OBSL1: variants seen among roughly 807,000 people sequenced by gnomAD.
The protein encoded by OBSL1 is obscurin-like protein 1.
OBSL1 carries 160 observed loss-of-function variants against 172.0 expected under a neutral mutation model. That is an observed-to-expected ratio of 0.93 (90% confidence interval 0.82 to 1.06). The LOEUF (loss-of-function observed/expected upper bound fraction) is 1.06. OBSL1 is among the 50% of genes least tolerant of loss of function. The pLI is 0.00. For missense variants in OBSL1, 2,681 were observed against 2,715.4 expected, an observed-to-expected ratio of 0.99 and a Z score of 0.28; for synonymous variants, 1,200 against 1,196.3, an observed-to-expected ratio of 1.00 and a Z score of -0.06.
At chr2:219,553,423 A>T in intron 16 of OBSL1, 151 bp downstream of exon 16, 1 of 689,654 alleles carries the variant, frequency 1.5e-6, no homozygotes, top group Non-Finnish European at 2.6e-6. Flanking sequence ...CCTACCTCCT[A>T]GAGTTGTCCT....
At chr2:219,549,632 G>A, downstream of OBSL1, 3 of 1,579,256 alleles carry the variant, frequency 1.9e-6, no homozygotes, top group East Asian at 2.2e-5. Flanking sequence ...CTATAGAAGT[G>A]TCAGGCTTGT....
chr2:219,571,038 C>T lies in OBSL1; in HGVS notation c.195G>A (p.Ala65=). 6.9e-7 allele frequency: 1 copy of T among 1,457,308 alleles called. No homozygotes were observed. The highest frequency in any genetic ancestry group is 9.0e-7 in the Non-Finnish European group (1 of 1,107,006). The allele number at this position is 1,457,308 out of a possible 1,614,324, so 90.3% of individuals were successfully genotyped here. ...SERLSFPADG[A]EHGLLLTAAL... ...CGGCGGTCAGCAGCAGGCCGTGCTC[C>T]GCGCCGTCCGCCGGGAAGCTCAGGC... Residue 65 remains alanine, a synonymous_variant, in exon 1 of 21, where the codon GCG becomes GCA. Transcript: ENST00000404537.
At chr2:219,561,895 C>T in intron 8 of OBSL1, 1 of 717,484 alleles carries the variant, frequency 1.4e-6, no homozygotes, top group Non-Finnish European at 2.6e-6. Context: ...TACTCAGTGC[C>T]AGCTGTTCGT....
intron 15 of OBSL1, chr2:219,554,158 C>A (rs1695835304): frequency 4.3e-6 from 2 of 461,300 alleles, no homozygotes; most frequent in Non-Finnish European, 7.9e-6. Flanking sequence ...CCAGTAGGGT[C>A]ACAGTTAGAG....
At chr2:219,552,512 GA>G in intron 18 of OBSL1, 23 bp downstream of exon 18, 1 of 1,586,380 alleles carries the variant, frequency 6.3e-7, no homozygotes, top group Non-Finnish European at 8.5e-7. Context: ...CGAGGGGCCC[GA>G]AAGGGTAACC....
intron 20 of OBSL1, chr2:219,551,138 G>T (rs1367828692): frequency 2.9e-6 from 4 of 1,399,040 alleles, no homozygotes; most frequent in Non-Finnish European, 3.7e-6. Flanking sequence ...TTGCTGAGAT[G>T]GGCAGAGGCA....
Position 219,552,804 on chromosome 2 carries a change from G to A in OBSL1, c.5146+64C>T, listed in dbSNP as rs1574519982. ...GCACGCGCGGTCATCAGGGTCCGGG[G>A]AAGACAGCTCCGCAAGTCTCGCGCC... On this transcript the variant is annotated intron_variant, in intron 17 of 20. Coordinates refer to ENST00000404537, the MANE Select transcript of OBSL1 (RefSeq NM_015311.3). The A allele has an allele frequency of 3.3e-6, 5 of 1,530,972 alleles. No homozygotes were observed. The East Asian group carries it at 9.9e-5, about 30-fold the overall frequency. The allele number at this position is 1,530,972 out of a possible 1,614,324, so 94.8% of individuals were successfully genotyped here. A position where few individuals can be genotyped will look rare whatever the true frequency, so the allele number is the denominator to read the frequency against.
Position 219,568,234 on chromosome 2 carries a change from C to T in OBSL1, c.1103G>A (p.Arg368His), listed in dbSNP as rs200447345. The T allele has an allele frequency of 2.7e-5, 43 of 1,613,322 alleles. No individual in the cohort carries two copies. The Admixed American group carries it at 4.2e-4, about 16-fold the overall frequency. ...AVLECKVPNS[R>H]IPTAWFREDQ... ...CTCACGGAACCAGGCCGTGGGGATG[C>T]GGGAGTTGGGTACTTTACATTCCAG... The change falls in exon 2 of 21, where the codon CGC (arginine) becomes CAC (histidine). Residue 368 changes from arginine to histidine, a missense_variant. This residue lies in a region of OBSL1 where 706 missense variants were observed against 695.8 expected (regional missense o/e 1.01). Transcript: ENST00000404537. The surrounding 1 kb of genome is among the most constrained non-coding windows in gnomAD (Gnocchi z 4.1).
chr2:219,567,793 C>A lies in OBSL1; in HGVS notation c.1459G>T (p.Val487Phe). The change falls in exon 3 of 21, where the codon GTC becomes TTC. Residue 487 changes from valine to phenylalanine, a missense_variant. Val to Phe is a conservative substitution (Grantham distance 50). Around this residue, in one of 5 missense-constraint regions of OBSL1, gnomAD observed 706 missense variants for 695.8 expected, o/e 1.01. Transcript: ENST00000404537. ...GHMHALVLPG[V>F]TREDAGEVTF... Reference sequence around the variant, plus strand: ...ACCTCGCCAGCATCCTCTCGGGTGACCCCTGGAAGGACCAGGGCATGCATG... The same window carrying A: ...ACCTCGCCAGCATCCTCTCGGGTGAACCCTGGAAGGACCAGGGCATGCATG... 1 of 1,613,938 alleles carries A rather than the reference C, an allele frequency of 6.2e-7. No homozygotes were observed. The highest frequency in any genetic ancestry group is 8.5e-7 in the Non-Finnish European group (1 of 1,179,848).
rs538538342 is a variant in OBSL1, at chr2:219,550,732, C to CTA, written c.*102_*103insTA. On this transcript the variant is annotated 3_prime_UTR_variant, in exon 21 of 21. Transcript: ENST00000404537. ...TCACTCAGAGAGGCAAGGAAATGAGCTGTAGCACTTTTATTGTTCCTTGTC... is the reference window on the plus strand; with the variant it reads ...TCACTCAGAGAGGCAAGGAAATGAGCTATGTAGCACTTTTATTGTTCCTTGTC... The CTA allele has an allele frequency of 3.4e-4, 502 of 1,461,816 alleles. 1 individual carries two copies. In the African/African-American group the frequency reaches 6.2e-3, roughly 18 times the overall value. The allele number at this position is 1,461,816 out of a possible 1,614,324, so 90.6% of individuals were successfully genotyped here.
At chr2:219,555,747 C>T in intron 14 of OBSL1, 5 of 1,340,836 alleles carry the variant, frequency 3.7e-6, no homozygotes, top group Non-Finnish European at 4.8e-6. Flanking sequence ...TGAAGGATGC[C>T]CATGGCAAGT....
chr2:219,567,486 C>T lies in OBSL1; in HGVS notation c.1624G>A (p.Glu542Lys), dbSNP rs764966885. Residue 542 changes from glutamate (E) to lysine (K), a missense_variant, in exon 4 of 21, where the codon GAG (glutamate) becomes AAG (lysine). Coordinates refer to ENST00000404537, the MANE Select transcript of OBSL1 (RefSeq NM_015311.3). ...NTVLLTWKPP[E>K]PAPETPFIYR... ...ATGAATGGGGTCTCGGGAGCTGGCT[C>T]GGGAGGCTTCCAGGTCAACAGGACC... The T allele has an allele frequency of 1.1e-5, 18 of 1,613,392 alleles. No individual in the cohort carries two copies. The highest frequency in any genetic ancestry group is 1.6e-4 in the Middle Eastern group (1 of 6,084).
chr2:219,552,787 G>A, intron 17 of OBSL1, 81 bp downstream of exon 17: 2 of 1,516,788 alleles, frequency 1.3e-6, no homozygotes, highest in South Asian at 1.2e-5. Context: ...AAGCACGCGC[G>A]GTCATCAGGG....
At chr2:219,550,000 C>T (rs1574510507), downstream of OBSL1, 1 of 1,148,580 alleles carries the variant, frequency 8.7e-7, no homozygotes, top group East Asian at 2.5e-5. Flanking sequence ...AGGATTGTCT[C>T]AGGCGAGTCT....
chr2:219,571,227 C>T lies in OBSL1; in HGVS notation c.6G>A (p.Lys2=). The T allele has an allele frequency of 7.5e-7, 1 of 1,334,540 alleles. No individual in the cohort carries two copies. Among genetic ancestry groups the T allele is most frequent in the South Asian group, 1.9e-5 (1 of 51,514 alleles). 82.7% of individuals were successfully genotyped at this position (1,334,540 alleles called of 1,614,324 possible). ...GGCTCCCCTGATCCCCCGAGCTCGCCTTCATCGCGGCGGCCGACCGCCTGC... is the reference window on the plus strand; with the variant it reads ...GGCTCCCCTGATCCCCCGAGCTCGCTTTCATCGCGGCGGCCGACCGCCTGC... M[K]ASSGDQGSPP... is the part of the protein sequence containing the mutation. The change falls in exon 1 of 21, where the codon AAG becomes AAA. Residue 2 remains lysine, a synonymous_variant. Coordinates refer to ENST00000404537, the MANE Select transcript of OBSL1 (RefSeq NM_015311.3).
In OBSL1 at chr2:219,571,305, G is replaced by T. The variant is rs1005228764; in HGVS notation, c.-73C>A. On this transcript the variant is annotated 5_prime_UTR_variant, in exon 1 of 21. Transcript: ENST00000404537. ...GGGTGCGGAGGGCGAGCCGAGGCCCGGGGCGGCGGGGTCGGGGCGCGGCTG... is the reference window on the plus strand; with the variant it reads ...GGGTGCGGAGGGCGAGCCGAGGCCCTGGGCGGCGGGGTCGGGGCGCGGCTG... 3.1e-6 allele frequency: 3 copies of T among 959,004 alleles called. 1 individual carries two copies. The highest frequency in any genetic ancestry group is 4.0e-6 in the Non-Finnish European group (3 of 741,000). 59.4% of individuals were successfully genotyped at this position (959,004 alleles called of 1,614,324 possible).
Position 219,561,761 on chromosome 2 carries a change from G to A in OBSL1, c.2953+641C>T, listed in dbSNP as rs761378119. 1.1e-4 allele frequency: 71 copies of A among 668,300 alleles called. 2 individuals are homozygous for A. The highest frequency in any genetic ancestry group is 6.9e-4 in the South Asian group (42 of 60,640). 41.4% of individuals were successfully genotyped at this position (668,300 alleles called of 1,614,324 possible). On this transcript the variant is annotated intron_variant, in intron 8 of 20. Coordinates refer to ENST00000404537, the MANE Select transcript of OBSL1 (RefSeq NM_015311.3). ...TGTTTATTGGTTTAACACAGGGGTC[G>A]CAAACTCAAATGCCCACAGGGGCCA...
rs776667953 is a variant in OBSL1 at position 219,551,573 on chromosome 2, C to G, written c.5639G>C (p.Cys1880Ser). ...VRPEDQGTYC[C>S]QAGQDSTHTR... ...GTGGGTGCTGTCCTGGCCGGCCTGGCAGCAGTAAGTGCCTTGGTCCTCAGG... is the reference window on the plus strand; with the variant it reads ...GTGGGTGCTGTCCTGGCCGGCCTGGGAGCAGTAAGTGCCTTGGTCCTCAGG... Residue 1880 changes from cysteine (C) to serine (S), a missense_variant, in exon 20 of 21, where the codon TGC (cysteine) becomes TCC (serine). This residue lies in a region of OBSL1 where 1,765 missense variants were observed against 1,748.3 expected (regional missense o/e 1.01). Transcript: ENST00000404537. 1 of 1,605,322 alleles carries G rather than the reference C, an allele frequency of 6.2e-7. No individual in the cohort carries two copies. Among genetic ancestry groups the G allele is most frequent in the African/African-American group, 1.3e-5 (1 of 74,890 alleles).
At chr2:219,550,005 G>C (rs768523721), downstream of OBSL1, 1 of 1,100,590 alleles carries the variant, frequency 9.1e-7, no homozygotes, top group Non-Finnish European at 1.3e-6. Context: ...TGTCTCAGGC[G>C]AGTCTTGGCC....
Sources: allele counts gnomAD v4.1 joint callset, GRCh38; gene constraint gnomAD v4.1.1; regional missense constraint gnomAD v4.1.1; non-coding constraint Gnocchi (gnomAD v3.1); transcripts MANE v1.5; gene names NCBI Gene and HGNC (gene_info 2026-07-23, HGNC 2026-07-21).